SLC39A11: variants seen among roughly 807,000 people sequenced by gnomAD.
The protein encoded by SLC39A11 is zinc transporter ZIP11.
SLC39A11 carries 33 observed loss-of-function variants against 36.1 expected under a neutral mutation model. The observed-to-expected ratio is 0.91, with a 90% CI of 0.69 to 1.22. The LOEUF (loss-of-function observed/expected upper bound fraction) is 1.22. Among genes scored for constraint, SLC39A11 ranks in the 50% most tolerant of loss-of-function variants. The pLI is 0.00. For missense variants in SLC39A11, 432 were observed against 430.3 expected, an observed-to-expected ratio of 1.00 and a Z score of -0.03; for synonymous variants, 166 against 170.3, an observed-to-expected ratio of 0.97 and a Z score of 0.20.
intron 4 of SLC39A11, among the ~76,000 whole-genome samples, chr17:73,020,965 G>C (rs2058331679): frequency 6.6e-6 from 1 of 152,208 alleles, no homozygotes; most frequent in African/African-American, 2.4e-5. Context: ...ACAGGCATGA[G>C]CCACCACGCC....
At chr17:72,781,636 G>A (rs940264648) in intron 6 of SLC39A11, among the ~76,000 whole-genome samples, 23 of 152,138 alleles carry the variant, frequency 1.5e-4, no homozygotes, top group African/African-American at 4.1e-4. Flanking sequence ...TGTTAACCAC[G>A]TCTTGGTCTC....
At chr17:73,027,597 GA>G (rs1378479957) in intron 4 of SLC39A11, among the ~76,000 whole-genome samples, 1 of 152,206 alleles carries the variant, frequency 6.6e-6, no homozygotes, top group African/African-American at 2.4e-5. Context: ...CCCTTTCCAT[GA>G]GCAATATTTT....
Position 72,982,875 on chromosome 17 carries a change from G to C in SLC39A11, c.307-35000C>G, listed in dbSNP as rs75320789. On this transcript the variant is annotated intron_variant, in intron 4 of 9. Coordinates refer to ENST00000255559, the MANE Select transcript of SLC39A11 (RefSeq NM_139177.4). ...GATTAATGAACAACTGACTCAGGTT[G>C]CACTGACGACAGGGCTGCAAGTGTT... Among the ~76,000 whole-genome samples the C allele has an allele frequency of 6.1e-3, 927 of 152,302 alleles. 6 individuals are homozygous for C. Among genetic ancestry groups the C allele is most frequent in the Middle Eastern group, 0.031 (9 of 294 alleles).
At chr17:72,800,303 A>ATTTTT (rs34172959) in intron 6 of SLC39A11, among the ~76,000 whole-genome samples, 9 of 90,366 alleles carry the variant, frequency 1.0e-4, no homozygotes, top group East Asian at 2.8e-4. Flanking sequence ...ACCTACAATA[A>ATTTTT]TTTTTTTTTT....
intron 7 of SLC39A11, among the ~76,000 whole-genome samples, chr17:72,705,940 GTTCTATTCTCTGTACATT>G (rs1815642964): frequency 6.6e-6 from 1 of 152,116 alleles, no homozygotes; most frequent in African/African-American, 2.4e-5. Flanking sequence ...CCTCCCAATG[GTTCTATTCTCTGTACATT>G]TTTTATTCCA....
chr17:72,936,783 C>T (rs1243180213), intron 5 of SLC39A11, among the ~76,000 whole-genome samples: 4 of 276 alleles, frequency 0.014, no homozygotes, highest in African/African-American at 0.054. Context: ...GAAACCGTTC[C>T]ACCCTCCGAT....
At chr17:72,899,028 C>T (rs1460592414) in intron 5 of SLC39A11, among the ~76,000 whole-genome samples, 2 of 115,120 alleles carry the variant, frequency 1.7e-5, no homozygotes, top group East Asian at 4.1e-4. Context: ...CCAAGTAATT[C>T]GGCTGCACTC....
intron 5 of SLC39A11, among the ~76,000 whole-genome samples, chr17:72,864,251 T>C (rs578164126): frequency 1.3e-5 from 2 of 152,234 alleles, no homozygotes; most frequent in African/African-American, 4.8e-5. Context: ...GCAGATTTCC[T>C]GGCCTCATCC....
intron 6 of SLC39A11, among the ~76,000 whole-genome samples, chr17:72,753,001 G>A (rs1598578950): frequency 6.6e-6 from 1 of 152,048 alleles, no homozygotes; most frequent in South Asian, 2.1e-4. Context: ...GACCACAGAT[G>A]CATGCCACCA....
chr17:72,883,771 G>C (rs2081323504), intron 5 of SLC39A11, among the ~76,000 whole-genome samples: 1 of 152,198 alleles, frequency 6.6e-6, no homozygotes, highest in Non-Finnish European at 1.5e-5. Context: ...ATTGTGGAGG[G>C]AAGGGGATGC....
chr17:72,790,679 GT>G (rs1487793343), intron 6 of SLC39A11, among the ~76,000 whole-genome samples: 2 of 151,850 alleles, frequency 1.3e-5, no homozygotes, highest in African/African-American at 2.4e-5. Context: ...TTACAGGCAT[GT>G]GCCACCACAC....
intron 5 of SLC39A11, among the ~76,000 whole-genome samples, chr17:72,905,692 AC>A (rs1354123889): frequency 3.3e-5 from 5 of 150,506 alleles, no homozygotes; most frequent in Admixed American, 1.3e-4. Context: ...CGTGGGCTCT[AC>A]CCAACATCTA....
intron 3 of SLC39A11, among the ~76,000 whole-genome samples, chr17:73,060,102 G>C (rs1221048033): frequency 1.3e-5 from 2 of 151,512 alleles, no homozygotes; most frequent in East Asian, 3.9e-4. Context: ...CCAGCTACCT[G>C]GGAGGCTAAG....
intron 6 of SLC39A11, among the ~76,000 whole-genome samples, chr17:72,825,455 G>A (rs2077982995): frequency 6.6e-6 from 1 of 152,224 alleles, no homozygotes; most frequent in Admixed American, 6.5e-5. Flanking sequence ...ACCTCAACTA[G>A]GGCAGTGCAG....
At chr17:72,922,184 T>C (rs1002180894) in intron 5 of SLC39A11, among the ~76,000 whole-genome samples, 1 of 152,176 alleles carries the variant, frequency 6.6e-6, no homozygotes, top group African/African-American at 2.4e-5. Flanking sequence ...GAGAGTTGGG[T>C]ATCAAATGAT....
At chr17:72,798,796 G>C (rs1175098738) in intron 6 of SLC39A11, among the ~76,000 whole-genome samples, 1 of 151,962 alleles carries the variant, frequency 6.6e-6, no homozygotes, top group East Asian at 1.9e-4. Context: ...ATCACACTGG[G>C]GGCTAAGGCT....
intron 3 of SLC39A11, among the ~76,000 whole-genome samples, chr17:73,033,159 A>G (rs7223883): frequency 0.054 from 8,229 of 152,236 alleles, 502 homozygotes; most frequent in African/African-American, 0.14. Context: ...TAATGTCGCC[A>G]CTGGTCTGAC....
intron 5 of SLC39A11, among the ~76,000 whole-genome samples, chr17:72,924,785 C>T (rs1167275957): frequency 2.0e-5 from 3 of 152,124 alleles, no homozygotes; most frequent in South Asian, 4.2e-4. Context: ...GGGTGGATCA[C>T]GAGGTCAGGA....
chr17:72,653,833 C>T (rs1326976595), intron 7 of SLC39A11, among the ~76,000 whole-genome samples: 1 of 152,138 alleles, frequency 6.6e-6, no homozygotes, highest in African/African-American at 2.4e-5. Flanking sequence ...GACAGTTTTA[C>T]ACTTCCCTGA....
Sources: allele counts gnomAD v4.1 joint callset (sites outside exome capture counted in the v4.1 genomes callset), GRCh38; gene constraint gnomAD v4.1.1; transcripts MANE v1.5; gene names NCBI Gene and HGNC (gene_info 2026-07-23, HGNC 2026-07-21).